ANKRD35: variants seen among roughly 807,000 people sequenced by gnomAD.
ANKRD35 encodes the protein ankyrin repeat domain-containing protein 35.
A neutral mutation model predicts 109.9 loss-of-function variants in ANKRD35; 102 were observed. The observed-to-expected ratio is 0.93, with a 90% CI of 0.79 to 1.09. ANKRD35 has a LOEUF of 1.09. ANKRD35 is among the 50% of genes least tolerant of loss of function. The pLI is 0.00. For missense variants in ANKRD35, 1,240 were observed against 1,230.1 expected, an observed-to-expected ratio of 1.01 and a Z score of -0.12; for synonymous variants, 515 against 512.4, an observed-to-expected ratio of 1.01 and a Z score of -0.07.
Position 145,872,428 on chromosome 1 carries a change from C to T in ANKRD35, c.2341G>A (p.Ala781Thr), listed in dbSNP as rs782724338. Residue 781 changes from alanine (A) to threonine (T), a missense_variant, in exon 10 of 14, where the codon GCT becomes ACT. Physicochemically the swap from Ala to Thr is moderately conservative, Grantham distance 58. Coordinates refer to ENST00000355594, the MANE Select transcript of ANKRD35 (RefSeq NM_144698.5). Reference protein sequence around the residue: ...LKAPASPQVAALEQDLGKLEE... With the variant: ...LKAPASPQVATLEQDLGKLEE... ...AGCTTCCCCAGGTCTTGCTCCAGAGCGGCCACTTGGGGGGATGCTGGGGCC... is the reference window on the plus strand; with the variant it reads ...AGCTTCCCCAGGTCTTGCTCCAGAGTGGCCACTTGGGGGGATGCTGGGGCC... The T allele has an allele frequency of 4.3e-6, 7 of 1,612,288 alleles. 1 individual carries two copies. In the South Asian group the frequency reaches 6.6e-5, roughly 15 times the overall value.
intron 10 of ANKRD35, among the ~76,000 whole-genome samples, chr1:145,871,250 GC>G (rs1314587640): frequency 7.8e-6 from 1 of 128,568 alleles, no homozygotes; most frequent in East Asian, 2.5e-4. Flanking sequence ...TGCTACCTCT[GC>G]CTCTCTGGTT....
At chr1:145,880,113 CCA>C (rs1434656340) in intron 1 of ANKRD35, among the ~76,000 whole-genome samples, 2 of 152,190 alleles carry the variant, frequency 1.3e-5, no homozygotes, top group Non-Finnish European at 2.9e-5. Context: ...CTCCTCCCTC[CCA>C]GTTTCCCTGG....
intron 1 of ANKRD35, among the ~76,000 whole-genome samples, chr1:145,882,086 C>G (rs587593629): frequency 8.7e-5 from 13 of 149,930 alleles, no homozygotes; most frequent in African/African-American, 2.7e-4. Context: ...TCCCGAGTAG[C>G]TGGGACTACA....
At chr1:145,875,742 G>A (rs587687029) in intron 7 of ANKRD35, among the ~76,000 whole-genome samples, 1 of 151,724 alleles carries the variant, frequency 6.6e-6, no homozygotes, top group Admixed American at 6.6e-5. Context: ...TAGAGATGGG[G>A]TTTCACCATT....
At chr1:145,880,785 T>C (rs927749332) in intron 1 of ANKRD35, among the ~76,000 whole-genome samples, 8 of 152,212 alleles carry the variant, frequency 5.3e-5, no homozygotes, top group African/African-American at 1.9e-4. Flanking sequence ...CATAAAATTA[T>C]CTAAGGTAGA....
chr1:145,867,433 G>A (rs782619671), intron 12 of ANKRD35, 41 bp from the exon 13 acceptor site: 1 of 1,571,200 alleles, frequency 6.4e-7, no homozygotes, highest in Non-Finnish European at 8.8e-7. Context: ...ATGAAGAACA[G>A]AAAATGGAGA....
chr1:145,869,785 A>G (rs186883915), intron 10 of ANKRD35, among the ~76,000 whole-genome samples: 1 of 152,316 alleles, frequency 6.6e-6, no homozygotes, highest in Admixed American at 6.5e-5. Context: ...AAGTATTATA[A>G]TCTACGTTTT....
Position 145,874,180 on chromosome 1 carries a change from A to C in ANKRD35, c.758T>G (p.Val253Gly), listed in dbSNP as rs782671021. The change falls in exon 9 of 14, where the codon GTC (valine) becomes GGC (glycine). Residue 253 changes from valine (V) to glycine (G), a missense_variant. Transcript: ENST00000355594. ...SRRRRGGQRL[V>G]QHPDLASQAS... ...CTGGGATGCGAGATCTGGGTGCTGG[A>C]CTAGCCTCTGACCTATAAGAAAAGA... The C allele has an allele frequency of 6.2e-7, 1 of 1,614,052 alleles. No homozygotes were observed. Among genetic ancestry groups the C allele is most frequent in the Non-Finnish European group, 8.5e-7 (1 of 1,179,962 alleles).
intron 10 of ANKRD35, among the ~76,000 whole-genome samples, chr1:145,871,400 T>A (rs1553738630): frequency 6.6e-6 from 1 of 152,030 alleles, no homozygotes. Context: ...TGACCTCAGG[T>A]GATCCACCCG....
intron 10 of ANKRD35, among the ~76,000 whole-genome samples, chr1:145,871,396 C>T: frequency 6.6e-6 from 1 of 152,122 alleles, no homozygotes; most frequent in South Asian, 2.1e-4. Flanking sequence ...CCCCTGACCT[C>T]AGGTGATCCA....
Position 145,879,322 on chromosome 1 carries a change from C to T in ANKRD35, c.106G>A (p.Val36Met), listed in dbSNP as rs781839388. 2.1e-5 allele frequency: 34 copies of T among 1,611,176 alleles called. No individual in the cohort carries two copies. The highest frequency in any genetic ancestry group is 1.6e-4 in the East Asian group (7 of 44,490). Residue 36 changes from valine to methionine, a missense_variant, in exon 2 of 14, where the codon GTG becomes ATG. Physicochemically the swap from Val to Met is conservative, Grantham distance 21 (BLOSUM62 1). Transcript: ENST00000355594. ...GATTTCCTGGAGGCCAGGGCAGCCACGCGTCCCACATCCCCCCTGTGCACT... is the reference window on the plus strand; with the variant it reads ...GATTTCCTGGAGGCCAGGGCAGCCATGCGTCCCACATCCCCCCTGTGCACT... ...EAVHRGDVGRVAALASRKSAR... is the reference protein window; with the variant it reads ...EAVHRGDVGRMAALASRKSAR...
In ANKRD35 at chr1:145,876,869, C is replaced by A. The variant is rs1553740231; in HGVS notation, c.329G>T (p.Gly110Val). 3 of 1,614,056 alleles carry A rather than the reference C, an allele frequency of 1.9e-6. No individual in the cohort carries two copies. The highest frequency in any genetic ancestry group is 2.2e-5 in the South Asian group (2 of 91,072). ...PQCVKVLLQHGANEDAVDAEN... is the reference protein window; with the variant it reads ...PQCVKVLLQHVANEDAVDAEN... ...TGCATCCACAGCATCTTCATTAGCA[C>A]CATGCTGCAAATGGCCACAAAGGGA... Residue 110 changes from glycine (G) to valine (V), a missense_variant, in exon 5 of 14, where the codon GGT becomes GTT. Gly to Val is a moderately radical substitution (Grantham distance 109). Coordinates refer to ENST00000355594, the MANE Select transcript of ANKRD35 (RefSeq NM_144698.5).
intron 2 of ANKRD35, 45 bp downstream of exon 2, chr1:145,879,213 A>G: frequency 6.6e-7 from 1 of 1,521,068 alleles, no homozygotes; most frequent in South Asian, 1.3e-5. Flanking sequence ...GGGGGCTTCA[A>G]AAGGGAGCCA....
chr1:145,869,706 C>T (rs112475867), intron 10 of ANKRD35, among the ~76,000 whole-genome samples: 430 of 151,748 alleles, frequency 2.8e-3, no homozygotes, highest in African/African-American at 9.6e-3. Flanking sequence ...TGGGCTCAGG[C>T]GATCCATCCA....
chr1:145,867,917 G>C, intron 12 of ANKRD35, 74 bp downstream of exon 12: 1 of 1,437,382 alleles, frequency 7.0e-7, no homozygotes, highest in Non-Finnish European at 9.8e-7. Flanking sequence ...CTGGAGAAGA[G>C]AGAGGGACCC....
chr1:145,874,133 G>A, intron 9 of ANKRD35, 22 bp downstream of exon 9: 4 of 1,614,016 alleles, frequency 2.5e-6, no homozygotes, highest in Non-Finnish European at 2.5e-6. Flanking sequence ...AAAGCAAAAG[G>A]GGGAGGCACT....
At chr1:145,879,700 T>C (rs61636407) in intron 1 of ANKRD35, among the ~76,000 whole-genome samples, 209 of 152,244 alleles carry the variant, frequency 1.4e-3, no homozygotes, top group African/African-American at 5.0e-3. Context: ...ATGATTAGAG[T>C]TGTTGTTCAG....
intron 10 of ANKRD35, among the ~76,000 whole-genome samples, chr1:145,870,090 A>ATTT (rs35685393): frequency 0.028 from 3,899 of 138,586 alleles, 210 homozygotes; most frequent in African/African-American, 0.1. Flanking sequence ...AGAGTTCCAA[A>ATTT]TTTTTTTTTT....
chr1:145,875,895 A>G (rs1184716557), intron 7 of ANKRD35, among the ~76,000 whole-genome samples: 1 of 152,198 alleles, frequency 6.6e-6, no homozygotes, highest in Non-Finnish European at 1.5e-5. Flanking sequence ...CAACCAGTAA[A>G]TTCAGCCAAC....
Sources: allele counts gnomAD v4.1 joint callset (sites outside exome capture counted in the v4.1 genomes callset), GRCh38; gene constraint gnomAD v4.1.1; transcripts MANE v1.5; gene names NCBI Gene and HGNC (gene_info 2026-07-23, HGNC 2026-07-21).